Variants in SUGCT observed in about 807,000 individuals in gnomAD.
SUGCT encodes the protein succinyl-CoA:glutarate-CoA transferase, also known as succinyl-CoA:glutarate CoA-transferase.
A neutral mutation model predicts 55.0 loss-of-function variants in SUGCT; 41 were observed. That is an observed-to-expected ratio of 0.74 (90% CI 0.58 to 0.97). SUGCT has a LOEUF of 0.97. SUGCT is among the 50% of genes least tolerant of loss of function. The pLI is 0.00. For missense variants in SUGCT, 568 were observed against 547.8 expected (o/e 1.04, Z -0.37); for synonymous variants, 187 against 200.4 (o/e 0.93, Z 0.56).
chr7:40,170,520 T>C (rs1240564116), intron 1 of SUGCT, among the ~76,000 whole-genome samples: 1 of 152,106 alleles, frequency 6.6e-6, no homozygotes, highest in Non-Finnish European at 1.5e-5. Context: ...AAAAAGAACA[T>C]AGGGATGCCA....
chr7:40,723,348 T>G (rs1349310553), intron 12 of SUGCT, among the ~76,000 whole-genome samples: 1 of 152,188 alleles, frequency 6.6e-6, no homozygotes, highest in Non-Finnish European at 1.5e-5. Context: ...GAGTGGCTGC[T>G]TCTGTGCCCA....
chr7:41,000,283 G>GAC, the SUGCT span, among the ~76,000 whole-genome samples: 3 of 151,648 alleles, frequency 2.0e-5, no homozygotes, highest in Non-Finnish European at 4.4e-5. Flanking sequence ...CACACGCACG[G>GAC]ACACACACAC....
the SUGCT span, among the ~76,000 whole-genome samples, chr7:40,931,656 T>C: frequency 2.0e-5 from 3 of 152,140 alleles, no homozygotes; most frequent in Non-Finnish European, 2.9e-5. Context: ...CTTGGGAGGG[T>C]GTACATGTCC....
At chr7:40,740,467 A>G (rs1787401140) in intron 12 of SUGCT, among the ~76,000 whole-genome samples, 1 of 151,010 alleles carries the variant, frequency 6.6e-6, no homozygotes, top group South Asian at 2.1e-4. Flanking sequence ...TGCAGTGTCT[A>G]GAACTTCTAG....
chr7:40,444,622 G>T (rs576047688), intron 9 of SUGCT, among the ~76,000 whole-genome samples: 1 of 152,166 alleles, frequency 6.6e-6, no homozygotes, highest in Non-Finnish European at 1.5e-5. Flanking sequence ...GGAGATTTTG[G>T]GCTGAGACGA....
At chr7:40,304,865 A>G (rs926779844) in intron 8 of SUGCT, among the ~76,000 whole-genome samples, 2 of 152,128 alleles carry the variant, frequency 1.3e-5, no homozygotes, top group Non-Finnish European at 2.9e-5. Flanking sequence ...GTCTCAATAG[A>G]CACAGAAAAA....
At chr7:40,153,234 C>T in intron 1 of SUGCT, 1 of 392,140 alleles carries the variant, frequency 2.6e-6, no homozygotes, top group Non-Finnish European at 4.9e-6. Context: ...GATGATTTGG[C>T]ATCTTGCAGA....
intron 11 of SUGCT, among the ~76,000 whole-genome samples, chr7:40,478,964 C>T (rs895467005): frequency 6.6e-6 from 1 of 151,980 alleles, no homozygotes; most frequent in African/African-American, 2.4e-5. Flanking sequence ...ACTTATTTAA[C>T]TTTATATATT....
the SUGCT span, among the ~76,000 whole-genome samples, chr7:40,885,459 C>T: frequency 6.6e-6 from 1 of 152,168 alleles, no homozygotes; most frequent in Non-Finnish European, 1.5e-5. Flanking sequence ...TCCCAAGGGC[C>T]ATGGCAGAAA....
At chr7:40,528,161 A>G (rs1214829205) in intron 12 of SUGCT, among the ~76,000 whole-genome samples, 1 of 152,202 alleles carries the variant, frequency 6.6e-6, no homozygotes, top group Non-Finnish European at 1.5e-5. Flanking sequence ...AGATTGAATG[A>G]AATCATACCT....
chr7:40,185,290 C>T (rs1480911626), intron 3 of SUGCT, among the ~76,000 whole-genome samples: 2 of 152,106 alleles, frequency 1.3e-5, no homozygotes, highest in African/African-American at 4.8e-5. Flanking sequence ...CTAGATAGAA[C>T]ATTCAATGTA....
the SUGCT span, among the ~76,000 whole-genome samples, chr7:40,870,865 G>T: frequency 6.6e-6 from 1 of 151,936 alleles, no homozygotes; most frequent in African/African-American, 2.4e-5. Context: ...TGTACTCATT[G>T]TTTTTTTGCT....
At chr7:40,645,441 C>T (rs897075918) in intron 12 of SUGCT, among the ~76,000 whole-genome samples, 4 of 152,186 alleles carry the variant, frequency 2.6e-5, no homozygotes, top group Non-Finnish European at 4.4e-5. Flanking sequence ...GCTTGCCTCT[C>T]TTGTGTACTC....
intron 9 of SUGCT, among the ~76,000 whole-genome samples, chr7:40,446,825 T>G (rs1424154522): frequency 1.3e-5 from 2 of 152,308 alleles, no homozygotes; most frequent in East Asian, 3.9e-4. Context: ...TAACTTTATG[T>G]TATGATGGAA....
chr7:40,396,173 A>C (rs1370673287), intron 9 of SUGCT, among the ~76,000 whole-genome samples: 1 of 152,210 alleles, frequency 6.6e-6, no homozygotes. Context: ...TATTTAGGAA[A>C]TAAGATGACT....
At chr7:40,310,124 A>T (rs888872641) in intron 8 of SUGCT, among the ~76,000 whole-genome samples, 1 of 152,162 alleles carries the variant, frequency 6.6e-6, no homozygotes, top group Admixed American at 6.5e-5. Context: ...CAGCAGAGAA[A>T]ACTGATAAAC....
chr7:40,906,597 G>A, the SUGCT span, among the ~76,000 whole-genome samples: 7 of 152,106 alleles, frequency 4.6e-5, no homozygotes, highest in East Asian at 1.9e-4. Flanking sequence ...TGTTTACACA[G>A]CATTTACACT....
intron 3 of SUGCT, among the ~76,000 whole-genome samples, chr7:40,184,714 C>A (rs964094037): frequency 6.6e-6 from 1 of 152,128 alleles, no homozygotes; most frequent in South Asian, 2.1e-4. Flanking sequence ...GGGTCTTAAA[C>A]AGAATCCCCA....
rs59399459 is a variant in SUGCT, at chr7:40,215,260, G to A, written c.484+20200G>A. Among the ~76,000 whole-genome samples the A allele has an allele frequency of 4.6e-5, 7 of 151,984 alleles. No homozygotes were observed. In the East Asian group the frequency reaches 1.2e-3, roughly 25 times the overall value. On this transcript the variant is annotated intron_variant, in intron 6 of 13. Coordinates refer to ENST00000335693, the MANE Select transcript of SUGCT (RefSeq NM_001193313.2). ...TGGGCTCAAACGATCTTCCTACCTC[G>A]GCCTCCCAAGTAGCTGGGACTACAG...
Sources: gnomAD v4.1 joint callset for allele counts (sites outside exome capture counted in the v4.1 genomes callset) on GRCh38, gnomAD v4.1.1 for gene constraint, MANE v1.5 for transcripts, NCBI Gene and HGNC (gene_info 2026-07-23, HGNC 2026-07-21) for gene names.